The following F7 variants were observed in gnomAD, a reference collection of about 807,000 sequenced individuals.
The protein encoded by F7 is coagulation factor VII.
In F7, 38 loss-of-function variants were observed where a neutral mutation model predicts 47.5. That is an observed-to-expected ratio of 0.80 (90% CI 0.62 to 1.05). The LOEUF (loss-of-function observed/expected upper bound fraction) is 1.05, where lower values mean the gene tolerates loss of function less well. Among genes scored for constraint, F7 ranks in the 50% least tolerant of loss-of-function variants. The probability of loss-of-function intolerance (pLI) is 0.00; values close to 1 mark genes in which losing one functional copy is unlikely to be tolerated. For synonymous variants in F7, 244 were observed against 258.5 expected, an observed-to-expected ratio of 0.94 and a Z score of 0.54; for missense variants, 575 against 605.4, an observed-to-expected ratio of 0.95 and a Z score of 0.53.
rs1363743952 is a variant in F7 at position 113,116,758 on chromosome 13, T to G, written c.506-8T>G. On this transcript the variant is annotated splice_region_variant and splice_polypyrimidine_tract_variant and intron_variant, in intron 5 of 7. Coordinates refer to ENST00000346342, the MANE Select transcript of F7 (RefSeq NM_019616.4). Reference sequence around the variant, plus strand: ...TCTCTGCATCTTTCTGACTTTTGTTTTACACAGTTGAATATCCATGTGGAA... The same window carrying G: ...TCTCTGCATCTTTCTGACTTTTGTTGTACACAGTTGAATATCCATGTGGAA... The G allele has an allele frequency of 1.3e-6, 2 of 1,597,562 alleles. No homozygotes were observed. Among genetic ancestry groups the G allele is most frequent in the Admixed American group, 3.3e-5 (2 of 59,992 alleles).
At chr13:113,115,253 C>T (rs533501534) in intron 4 of F7, among the ~76,000 whole-genome samples, 12 of 152,352 alleles carry the variant, frequency 7.9e-5, no homozygotes, top group African/African-American at 2.4e-4. Context: ...GGAGAACTGT[C>T]TCAGCTCTCT....
At chr13:113,107,215 G>A (rs1263134710) in intron 1 of F7, among the ~76,000 whole-genome samples, 2 of 152,032 alleles carry the variant, frequency 1.3e-5, no homozygotes, top group South Asian at 2.1e-4. Context: ...GGCGGTCACC[G>A]GCTCTGCTCA....
chr13:113,112,179 T>A (rs2036113492), intron 2 of F7, among the ~76,000 whole-genome samples: 1 of 115,188 alleles, frequency 8.7e-6, no homozygotes, highest in South Asian at 2.9e-4. Flanking sequence ...CTCACAGAGG[T>A]CACCTCACAC....
At chr13:113,115,950 A>G in intron 5 of F7, 150 bp downstream of exon 5, 1 of 1,244,876 alleles carries the variant, frequency 8.0e-7, no homozygotes, top group Non-Finnish European at 1.1e-6. Context: ...TCTGGGCACC[A>G]AGGGTGGCAC....
In F7 at chr13:113,110,685, C is replaced by G; in HGVS notation, c.65-5C>G. ...TGGGCGCTTCACGGAACTCGCATTTCCCAGTCTTCGTAACCCAGGAGGAAG... is the reference window on the plus strand; with the variant it reads ...TGGGCGCTTCACGGAACTCGCATTTGCCAGTCTTCGTAACCCAGGAGGAAG... On this transcript the variant is annotated splice_polypyrimidine_tract_variant and splice_region_variant and intron_variant, in intron 1 of 7. Coordinates refer to ENST00000346342, the MANE Select transcript of F7 (RefSeq NM_019616.4). The G allele has an allele frequency of 3.2e-6, 5 of 1,548,200 alleles. No homozygotes were observed. Among genetic ancestry groups the G allele is most frequent in the Non-Finnish European group, 4.4e-6 (5 of 1,146,420 alleles).
intron 4 of F7, 114 bp from the exon 5 acceptor site, chr13:113,115,546 C>A (rs2036178117): frequency 8.4e-7 from 1 of 1,192,656 alleles, no homozygotes; most frequent in Non-Finnish European, 1.2e-6. Flanking sequence ...ACCCACAGCT[C>A]AGTGCCACCT....
chr13:113,116,834 G>C lies in F7; in HGVS notation c.574G>C (p.Val192Leu), dbSNP rs758596782. 4 of 1,613,854 alleles carry C rather than the reference G, an allele frequency of 2.5e-6. No individual in the cohort carries two copies. Among genetic ancestry groups the C allele is most frequent in the Non-Finnish European group, 3.4e-6 (4 of 1,180,028 alleles). ...TGCCAGCAAACCCCAAGGCCGAATT[G>C]TGGGGGGCAAGGTGTGCCCCAAAGG... Reference protein sequence around the residue: ...RNASKPQGRIVGGKVCPKGEC... With the variant: ...RNASKPQGRILGGKVCPKGEC... The change falls in exon 6 of 8, where the codon GTG becomes CTG. Residue 192 changes from valine to leucine, a missense_variant. By Grantham distance (32) the Val-to-Leu change is conservative. Coordinates refer to ENST00000346342, the MANE Select transcript of F7 (RefSeq NM_019616.4).
chr13:113,118,597 G>A lies in F7; in HGVS notation c.924G>A (p.Glu308=). The A allele has an allele frequency of 6.2e-7, 1 of 1,612,896 alleles. No homozygotes were observed. The highest frequency in any genetic ancestry group is 8.5e-7 in the Non-Finnish European group (1 of 1,179,926). The change falls in exon 8 of 8, where the codon GAG becomes GAA. Residue 308 remains glutamate (E), a synonymous_variant. Coordinates refer to ENST00000346342, the MANE Select transcript of F7 (RefSeq NM_019616.4). ...GCCTGCCCGAACGGACGTTCTCTGA[G>A]AGGACGCTGGCCTTCGTGCGCTTCT... is the stretch of plus-strand genomic sequence containing the variant. ...PLCLPERTFS[E]RTLAFVRFSL...
chr13:113,109,775 C>G (rs112811871), intron 1 of F7, among the ~76,000 whole-genome samples: 2 of 152,256 alleles, frequency 1.3e-5, no homozygotes, highest in African/African-American at 2.4e-5. Context: ...TCGGGCAGCA[C>G]GGCCGCCCCG....
chr13:113,118,082 G>A (rs372318955), intron 7 of F7, among the ~76,000 whole-genome samples: 20 of 152,338 alleles, frequency 1.3e-4, no homozygotes, highest in African/African-American at 4.6e-4. Flanking sequence ...GGGTTTATGG[G>A]TGAGACGAGC....
chr13:113,106,629 G>T (rs183403470), intron 1 of F7, among the ~76,000 whole-genome samples: 4 of 26,474 alleles, frequency 1.5e-4, no homozygotes, highest in East Asian at 1.4e-3. Flanking sequence ...GGCATGGGGG[G>T]GTGGGGATGG....
At chr13:113,109,321 C>T (rs1177907704) in intron 1 of F7, among the ~76,000 whole-genome samples, 1 of 151,780 alleles carries the variant, frequency 6.6e-6, no homozygotes, top group Non-Finnish European at 1.5e-5. Context: ...TCCTGCCGCC[C>T]AGGGCACCTC....
At chr13:113,108,610 G>A (rs1203644754) in intron 1 of F7, among the ~76,000 whole-genome samples, 4 of 92,226 alleles carry the variant, frequency 4.3e-5, no homozygotes, top group East Asian at 3.8e-4. Flanking sequence ...AGGCGAGGGT[G>A]TCCCAGGAGT....
intron 4 of F7, chr13:113,114,641 G>A (rs2036162290): frequency 6.4e-6 from 1 of 156,522 alleles, no homozygotes; most frequent in Non-Finnish European, 1.4e-5. Flanking sequence ...GGTTTTATCA[G>A]GGCTCAATCA....
intron 1 of F7, chr13:113,106,784 G>A (rs2035968809): frequency 4.0e-6 from 6 of 1,508,456 alleles, no homozygotes; most frequent in Non-Finnish European, 4.5e-6. Context: ...TGCCTGGGAT[G>A]TGGGGCTGCA....
intron 1 of F7, among the ~76,000 whole-genome samples, chr13:113,108,868 T>C (rs868353958): frequency 3.0e-4 from 11 of 36,100 alleles, no homozygotes; most frequent in Admixed American, 6.8e-4. Flanking sequence ...GTGTGGGTGT[T>C]CCGGAGGCGA....
intron 1 of F7, chr13:113,106,753 G>C: frequency 9.5e-6 from 12 of 1,256,732 alleles, no homozygotes; most frequent in Non-Finnish European, 1.2e-5. Flanking sequence ...TGGCGAGTGG[G>C]GGGTGGGCTG....
intron 2 of F7, among the ~76,000 whole-genome samples, chr13:113,111,389 TCA>T (rs2142214201): frequency 7.3e-6 from 1 of 137,058 alleles, no homozygotes; most frequent in African/African-American, 2.9e-5. Flanking sequence ...CACTTCACAC[TCA>T]CAGGTCACCT....
chr13:113,106,816 T>A (rs1004205248), intron 1 of F7: 39 of 1,572,192 alleles, frequency 2.5e-5, no homozygotes, highest in Non-Finnish European at 3.3e-5. Flanking sequence ...CAGCATGGCC[T>A]TATGACCCCG....
Sources: gnomAD v4.1 joint callset for allele counts (sites outside exome capture counted in the v4.1 genomes callset) on GRCh38, gnomAD v4.1.1 for gene constraint, MANE v1.5 for transcripts, NCBI Gene and HGNC (gene_info 2026-07-23, HGNC 2026-07-21) for gene names.